SLC44A2: variants seen among roughly 807,000 people sequenced by gnomAD.
SLC44A2 encodes solute carrier family 44 member 2 (CTL2 blood group).
In SLC44A2, 57 loss-of-function variants were observed where a neutral mutation model predicts 90.8. The ratio of observed to expected loss-of-function variants is 0.63; its 90% confidence interval spans 0.51 to 0.78. The LOEUF (loss-of-function observed/expected upper bound fraction) is 0.78, where lower values mean the gene tolerates loss of function less well. Ranked by LOEUF, SLC44A2 falls within the 30% of genes least tolerant of loss-of-function variation. The pLI is 0.00. For synonymous variants in SLC44A2, 355 were observed against 360.7 expected, an observed-to-expected ratio of 0.98 and a Z score of 0.18; for missense variants, 794 against 919.7, an observed-to-expected ratio of 0.86 and a Z score of 1.77.
At chr19:10,623,566 C>T (rs2066907012), upstream of SLC44A2, among the ~76,000 whole-genome samples, 1 of 151,888 alleles carries the variant, frequency 6.6e-6, no homozygotes, top group Non-Finnish European at 1.5e-5. Context: ...CAGGTTGTGG[C>T]GTGGTGACTC....
intron 2 of SLC44A2, among the ~76,000 whole-genome samples, chr19:10,626,997 C>T (rs755849003): frequency 4.0e-5 from 6 of 148,346 alleles, no homozygotes; most frequent in Admixed American, 1.3e-4. Context: ...AGGACAAGAG[C>T]GAGACTCTGT....
Position 10,637,862 on chromosome 19 carries a change from A to G in SLC44A2, c.1702A>G (p.Ile568Val), listed in dbSNP as rs1454501659. ...LNRNAYIMIA[I>V]YGTNFCTSAR... ...CCCTCCCACTCTCCTCCAGATTGCC[A>G]TCTACGGCACCAATTTCTGCACCTC... Residue 568 changes from isoleucine to valine, a missense_variant, in exon 18 of 22, where the codon ATC becomes GTC. By Grantham distance (29) the Ile-to-Val change is conservative (BLOSUM62 3). Transcript: ENST00000335757. 8.7e-6 allele frequency: 14 copies of G among 1,614,032 alleles called. No homozygotes were observed. The highest frequency in any genetic ancestry group is 1.1e-5 in the Non-Finnish European group (13 of 1,180,006).
chr19:10,631,645 C>T lies in SLC44A2; in HGVS notation c.522C>T (p.Pro174=), dbSNP rs373190377. 24 of 1,613,584 alleles carry T rather than the reference C, an allele frequency of 1.5e-5. No homozygotes were observed. The highest frequency in any genetic ancestry group is 1.0e-4 in the Admixed American group (6 of 59,988). The change falls in exon 8 of 22, where the codon CCC becomes CCT. Residue 174 remains proline (P), a synonymous_variant. Transcript: ENST00000335757. ...ATGCAGTGGCCCGGAGATGCTTCCC[C>T]GCTATCCACGCCTACAAGGGTGTCC... The part of the protein sequence containing the change: ...PSKPLARRCF[P]AIHAYKGVLM...
chr19:10,638,314 T>C lies in SLC44A2; in HGVS notation c.1928T>C (p.Leu643Pro), dbSNP rs758116568. The change falls in exon 20 of 22, where the codon CTG becomes CCG. Residue 643 changes from leucine to proline, a missense_variant and splice_region_variant. Physicochemically the swap from Leu to Pro is moderately conservative, Grantham distance 98. Coordinates refer to ENST00000335757, the MANE Select transcript of SLC44A2 (RefSeq NM_020428.4). ...CTCAATTATTACTGGGTTCCTATAC[T>C]GGTATGGACCTCTGGGGAGAGATGG... The part of the protein sequence containing the change: ...PPLNYYWVPI[L>P]TVIVGSYLIA... 1 of 1,613,286 alleles carries C rather than the reference T, an allele frequency of 6.2e-7. No homozygotes were observed. The highest frequency in any genetic ancestry group is 8.5e-7 in the Non-Finnish European group (1 of 1,179,206).
At position 10,617,478 on chromosome 19, in the gene SLC44A2, A is replaced by G. The variant is rs114888011; in HGVS notation, c.32-8775A>G. On this transcript the variant is annotated intron_variant, in intron 1 of 21. Coordinates refer to the SLC44A2 transcript ENST00000407327. Reference sequence around the variant, plus strand: ...CACCTCTCTCTGCATTTTCAGCTCCATCTCACAGAGGAGTAACTCAAGTTC... The same window carrying G: ...CACCTCTCTCTGCATTTTCAGCTCCGTCTCACAGAGGAGTAACTCAAGTTC... Among the ~76,000 whole-genome samples, 965 of 152,252 alleles carry G rather than the reference A, an allele frequency of 6.3e-3. 10 individuals carry two copies. The highest frequency in any genetic ancestry group is 0.022 in the African/African-American group (922 of 41,556).
chr19:10,638,211 T>G lies in SLC44A2; in HGVS notation c.1841-16T>G, dbSNP rs764930776. 1 of 1,614,114 alleles carries G rather than the reference T, an allele frequency of 6.2e-7. No homozygotes were observed. Among genetic ancestry groups the G allele is most frequent in the South Asian group, 1.1e-5 (1 of 91,078 alleles). ...TCCAGAACCCTTCGCCATCTTGCTT[T>G]CTTCTCCTTCTCCAGGGATCCTGGC... is the stretch of plus-strand genomic sequence containing the variant. On this transcript the variant is annotated splice_polypyrimidine_tract_variant and intron_variant, in intron 19 of 21. Coordinates refer to ENST00000335757, the MANE Select transcript of SLC44A2 (RefSeq NM_020428.4).
intron 1 of SLC44A2, among the ~76,000 whole-genome samples, 166 bp downstream of exon 1, chr19:10,625,836 C>T (rs897949780): frequency 6.6e-6 from 1 of 151,194 alleles, no homozygotes; most frequent in Admixed American, 6.6e-5. Context: ...CCCACTTATC[C>T]CCCGCAGCCT....
In SLC44A2 at chr19:10,631,158, C is replaced by T. The variant is rs201296628; in HGVS notation, c.330+17C>T. 1.1e-4 allele frequency: 174 copies of T among 1,611,668 alleles called. 4 individuals carry two copies. Among genetic ancestry groups the T allele is most frequent in the Middle Eastern group, 9.9e-4 (6 of 6,052 alleles). On this transcript the variant is annotated intron_variant, in intron 5 of 21. Coordinates refer to ENST00000335757, the MANE Select transcript of SLC44A2 (RefSeq NM_020428.4). ...ACTCCCCAGGTAACCTGGTCCCCACCGTTCCCTTTTTCCTCTCCCCGCTTC... is the reference window on the plus strand; with the variant it reads ...ACTCCCCAGGTAACCTGGTCCCCACTGTTCCCTTTTTCCTCTCCCCGCTTC...
At chr19:10,619,248 G>T (rs1381650984) in intron 1 of SLC44A2, among the ~76,000 whole-genome samples, 1 of 151,150 alleles carries the variant, frequency 6.6e-6, no homozygotes, top group East Asian at 2.0e-4. Flanking sequence ...GGGCAACATG[G>T]CAAAGCCCAG....
At chr19:10,619,447 G>GTT (rs929005868) in intron 1 of SLC44A2, among the ~76,000 whole-genome samples, 8 of 132,538 alleles carry the variant, frequency 6.0e-5, no homozygotes, top group African/African-American at 1.9e-4. Flanking sequence ...AAAAAAAAGT[G>GTT]TTTTTTTTTT....
intron 1 of SLC44A2, among the ~76,000 whole-genome samples, chr19:10,610,613 G>C (rs1360134586): frequency 7.0e-6 from 1 of 142,492 alleles, no homozygotes; most frequent in Non-Finnish European, 1.5e-5. Context: ...GATTACAGTC[G>C]TGAGCCACCG....
At chr19:10,624,513 G>A (rs1322502482), upstream of SLC44A2, among the ~76,000 whole-genome samples, 1 of 152,008 alleles carries the variant, frequency 6.6e-6, no homozygotes, top group Non-Finnish European at 1.5e-5. Flanking sequence ...ATGTTGGCCA[G>A]GCTGGCTTAG....
At chr19:10,604,143 C>G (rs1302750169) in intron 1 of SLC44A2, among the ~76,000 whole-genome samples, 1 of 152,108 alleles carries the variant, frequency 6.6e-6, no homozygotes, top group Non-Finnish European at 1.5e-5. Context: ...AATCCTTGAC[C>G]GCAGGGAGTA....
At chr19:10,622,944 G>A (rs955922517), upstream of SLC44A2, among the ~76,000 whole-genome samples, 3 of 152,156 alleles carry the variant, frequency 2.0e-5, no homozygotes, top group African/African-American at 4.8e-5. Flanking sequence ...AGTATGAGAT[G>A]CTCACGTGTG....
intron 1 of SLC44A2, among the ~76,000 whole-genome samples, chr19:10,605,538 T>C (rs906665348): frequency 4.6e-5 from 7 of 150,562 alleles, no homozygotes; most frequent in African/African-American, 1.7e-4. Flanking sequence ...AAATAAATAA[T>C]AAAAATACAA....
At chr19:10,643,243 C>T (rs1468821556) in intron 21 of SLC44A2, 36 bp from the exon 22 acceptor site, 2 of 1,590,476 alleles carry the variant, frequency 1.3e-6, no homozygotes, top group South Asian at 1.1e-5. Flanking sequence ...CCGTGGGCTC[C>T]CCTCATGCCT....
At chr19:10,625,707 C>T in intron 1 of SLC44A2, 37 bp downstream of exon 1, 1 of 1,239,266 alleles carries the variant, frequency 8.1e-7, no homozygotes. Context: ...CCGGGCCGAC[C>T]CCTCGGTCCC....
intron 1 of SLC44A2, among the ~76,000 whole-genome samples, chr19:10,607,122 C>T (rs1232232227): frequency 6.6e-6 from 1 of 151,846 alleles, no homozygotes; most frequent in African/African-American, 2.4e-5. Flanking sequence ...GCCATGTTAG[C>T]CAGGATGGTC....
At chr19:10,636,010 C>T (rs1312137261) in intron 14 of SLC44A2, 1 of 350,548 alleles carries the variant, frequency 2.9e-6, no homozygotes, top group African/African-American at 2.1e-5. Flanking sequence ...ATCTCCTGAC[C>T]TCGTGATCCA....
Sources: gnomAD v4.1 joint callset for allele counts (sites outside exome capture counted in the v4.1 genomes callset) on GRCh38, gnomAD v4.1.1 for gene constraint, MANE v1.5 for transcripts, NCBI Gene and HGNC (gene_info 2026-07-23, HGNC 2026-07-21) for gene names.